The following SEMA3E variants were observed in gnomAD, a reference collection of about 807,000 sequenced individuals.
SEMA3E encodes semaphorin 3E.
A neutral mutation model predicts 93.6 loss-of-function variants in SEMA3E; 49 were observed. The observed-to-expected ratio is 0.52, with a 90% confidence interval of 0.42 to 0.66. The LOEUF is 0.66. SEMA3E is among the 30% of genes least tolerant of loss of function. The pLI is 0.00. For synonymous variants in SEMA3E, 363 were observed against 330.7 expected, an observed-to-expected ratio of 1.10 and a Z score of -1.06; for missense variants, 906 against 964.8, an observed-to-expected ratio of 0.94 and a Z score of 0.81.
At chr7:83,389,742 C>T (rs1260557088) in intron 14 of SEMA3E, among the ~76,000 whole-genome samples, 1 of 130,796 alleles carries the variant, frequency 7.6e-6, no homozygotes, top group Non-Finnish European at 1.7e-5. Flanking sequence ...CATATATACA[C>T]GTATATATTA....
At chr7:83,381,239 T>C (rs1787771479) in intron 16 of SEMA3E, among the ~76,000 whole-genome samples, 1 of 152,016 alleles carries the variant, frequency 6.6e-6, no homozygotes, top group South Asian at 2.1e-4. Context: ...CGTGAGCTTT[T>C]CCTTGACCTC....
At chr7:83,460,443 GGCA>G (rs1477971599) in intron 4 of SEMA3E, among the ~76,000 whole-genome samples, 2 of 151,962 alleles carry the variant, frequency 1.3e-5, no homozygotes, top group African/African-American at 4.8e-5. Context: ...GGACTGGGAA[GGCA>G]GCCTTCCCTT....
At chr7:83,434,650 CCA>C (rs761621677) in intron 4 of SEMA3E, among the ~76,000 whole-genome samples, 9 of 151,948 alleles carry the variant, frequency 5.9e-5, no homozygotes, top group African/African-American at 7.2e-5. Flanking sequence ...CCATTTTGTG[CCA>C]CACTTTGGCA....
rs1323335710 is a variant in SEMA3E at position 83,363,240 on chromosome 7, G to A, written c.*4346C>T. ...AGAAAATGCTCCCCAGACGACACTT[G>A]AGAGTTTAGCAAATATTTATTTCTT... On this transcript the variant is annotated 3_prime_UTR_variant, in exon 17 of 17. Transcript: ENST00000643230. The A allele has an allele frequency of 6.6e-6, 1 of 152,194 alleles. No homozygotes were observed. Among genetic ancestry groups the A allele is most frequent in the Non-Finnish European group, 1.5e-5 (1 of 68,030 alleles). 9.4% of individuals were successfully genotyped at this position (152,194 alleles called of 1,614,324 possible).
At chr7:83,533,555 A>G (rs1222724293) in intron 1 of SEMA3E, among the ~76,000 whole-genome samples, 2 of 63,542 alleles carry the variant, frequency 3.1e-5, no homozygotes, top group Non-Finnish European at 5.7e-5. Flanking sequence ...ATAAAATACG[A>G]TAAAATAAAA....
chr7:83,405,311 C>G, intron 9 of SEMA3E, 139 bp downstream of exon 9: 1 of 663,542 alleles, frequency 1.5e-6, no homozygotes, highest in Non-Finnish European at 2.7e-6. Flanking sequence ...AAATAAAGAT[C>G]AATTGGTGAT....
In SEMA3E at chr7:83,469,188, G is replaced by A. The variant is rs1052075663; in HGVS notation, c.336+55C>T. 13 of 1,371,546 alleles carry A rather than the reference G, an allele frequency of 9.5e-6. No homozygotes were observed. In the Admixed American group the frequency reaches 1.9e-4, roughly 20 times the overall value. The allele number at this position is 1,371,546 out of a possible 1,614,324, so 85.0% of individuals were successfully genotyped here. A position where few individuals can be genotyped will look rare whatever the true frequency, so the allele number is the denominator to read the frequency against. On this transcript the variant is annotated intron_variant, in intron 3 of 16. Coordinates refer to ENST00000643230, the MANE Select transcript of SEMA3E (RefSeq NM_012431.3). ...AAATTTCAGTGATTCAGTTCTTTGT[G>A]GTTAACTAGGGATATAATTGATGAT...
chr7:83,403,395 TC>T (rs1234117659), intron 9 of SEMA3E, among the ~76,000 whole-genome samples: 2 of 151,906 alleles, frequency 1.3e-5, no homozygotes. Context: ...AAAACTTAGA[TC>T]CCTCATCTCC....
intron 1 of SEMA3E, among the ~76,000 whole-genome samples, chr7:83,514,909 T>C (rs1033188248): frequency 6.6e-6 from 1 of 152,176 alleles, no homozygotes; most frequent in African/African-American, 2.4e-5. Flanking sequence ...ATATCATATT[T>C]ACTTATATAT....
In SEMA3E at chr7:83,408,480, T is replaced by C; in HGVS notation, c.558A>G (p.Glu186=). ...AGTCACTGTAGAGTCCAGCAAACAA[T>C]TCACTACCTACACGGGAGCATCAGT... is the stretch of plus-strand genomic sequence containing the variant. ...SSFISTLIGS[E]LFAGLYSDYW... The change falls in exon 6 of 17, where the codon GAA becomes GAG. Residue 186 remains glutamate, a synonymous_variant. Transcript: ENST00000643230. The C allele has an allele frequency of 6.2e-7, 1 of 1,613,680 alleles. No homozygotes were observed. Among genetic ancestry groups the C allele is most frequent in the African/African-American group, 1.3e-5 (1 of 75,026 alleles).
chr7:83,623,492 G>T (rs1189646185), intron 1 of SEMA3E, among the ~76,000 whole-genome samples: 1 of 151,846 alleles, frequency 6.6e-6, no homozygotes, highest in African/African-American at 2.4e-5. Context: ...TTAATAACTT[G>T]TAGTGAGATT....
At chr7:83,427,207 TC>T (rs1486279559) in intron 4 of SEMA3E, among the ~76,000 whole-genome samples, 3 of 149,646 alleles carry the variant, frequency 2.0e-5, no homozygotes, top group Admixed American at 1.3e-4. Context: ...CTTCTTTTTT[TC>T]TTTTTTCTTT....
intron 16 of SEMA3E, among the ~76,000 whole-genome samples, chr7:83,385,059 G>A (rs189793394): frequency 1.1e-4 from 16 of 150,578 alleles, no homozygotes; most frequent in African/African-American, 2.9e-4. Flanking sequence ...TGATTTCTAT[G>A]TATGTGTATA....
At chr7:83,635,128 C>G (rs1002168572) in intron 1 of SEMA3E, among the ~76,000 whole-genome samples, 31 of 151,916 alleles carry the variant, frequency 2.0e-4, no homozygotes, top group African/African-American at 7.0e-4. Context: ...AACACTTATG[C>G]TTTGTGACAA....
intron 1 of SEMA3E, among the ~76,000 whole-genome samples, chr7:83,567,091 A>G (rs1025519857): frequency 5.9e-5 from 9 of 152,182 alleles, no homozygotes; most frequent in Admixed American, 5.9e-4. Context: ...AAACAGAAAC[A>G]AGAAGCAAAC....
intron 1 of SEMA3E, among the ~76,000 whole-genome samples, chr7:83,526,129 T>C (rs1395410948): frequency 6.6e-6 from 1 of 152,118 alleles, no homozygotes; most frequent in Non-Finnish European, 1.5e-5. Flanking sequence ...AATGACAGCC[T>C]ATACACATTT....
At chr7:83,446,352 T>G (rs1473598606) in intron 4 of SEMA3E, among the ~76,000 whole-genome samples, 2 of 152,194 alleles carry the variant, frequency 1.3e-5, no homozygotes. Context: ...ATTCAGCAGT[T>G]TCAAACAGCA....
At chr7:83,457,717 T>G (rs1000668451) in intron 4 of SEMA3E, among the ~76,000 whole-genome samples, 3 of 152,162 alleles carry the variant, frequency 2.0e-5, no homozygotes, top group African/African-American at 7.2e-5. Context: ...TATGAATGTC[T>G]TGTCAATCAA....
chr7:83,585,467 C>T (rs1013234648), intron 1 of SEMA3E, among the ~76,000 whole-genome samples: 4 of 152,028 alleles, frequency 2.6e-5, no homozygotes, highest in Admixed American at 6.6e-5. Context: ...GATTGAATGC[C>T]GTTTATGCCA....
Sources: allele counts gnomAD v4.1 joint callset (sites outside exome capture counted in the v4.1 genomes callset), GRCh38; gene constraint gnomAD v4.1.1; transcripts MANE v1.5; gene names NCBI Gene and HGNC (gene_info 2026-07-23, HGNC 2026-07-21).